CNTN3: variants seen among roughly 807,000 people sequenced by gnomAD.
CNTN3 encodes the protein contactin 3, also known as contactin-3.
Under a neutral mutation model 119.1 loss-of-function variants are expected in CNTN3, and 60 were observed. The observed-to-expected ratio is 0.50, with a 90% CI of 0.41 to 0.62. The LOEUF (loss-of-function observed/expected upper bound fraction) is 0.62. CNTN3 is among the 20% of genes least tolerant of loss of function. The pLI is 0.00. For missense variants in CNTN3, 1,101 were observed against 1,242.4 expected, an observed-to-expected ratio of 0.89 and a Z score of 1.71; for synonymous variants, 450 against 438.7, an observed-to-expected ratio of 1.03 and a Z score of -0.32.
At chr3:74,369,738 T>C in intron 7 of CNTN3, 151 bp downstream of exon 7, 1 of 555,376 alleles carries the variant, frequency 1.8e-6, no homozygotes, top group Non-Finnish European at 3.2e-6. Context: ...CTCAATTTTA[T>C]ATGTGCATTT....
intron 1 of CNTN3, among the ~76,000 whole-genome samples, chr3:74,538,987 T>TA (rs200201423): frequency 7.3e-5 from 11 of 150,490 alleles, no homozygotes; most frequent in South Asian, 4.2e-4. Flanking sequence ...CTTCTCACAT[T>TA]AAAAAAAAAT....
At chr3:74,407,562 C>T (rs567640940) in intron 5 of CNTN3, among the ~76,000 whole-genome samples, 51 of 150,846 alleles carry the variant, frequency 3.4e-4, no homozygotes, top group Non-Finnish European at 5.9e-4. Context: ...TGTGAGCCAC[C>T]GCGCCCGGCC....
intron 13 of CNTN3, among the ~76,000 whole-genome samples, chr3:74,310,890 G>A (rs1575715525): frequency 6.6e-6 from 1 of 152,190 alleles, no homozygotes; most frequent in South Asian, 2.1e-4. Context: ...TACTGCCTCC[G>A]CCTTGGGCAG....
chr3:74,342,628 A>G (rs2106727807), intron 11 of CNTN3, among the ~76,000 whole-genome samples: 1 of 152,346 alleles, frequency 6.6e-6, no homozygotes, highest in Non-Finnish European at 1.5e-5. Context: ...CATATTCATA[A>G]GTTAAAAGTC....
intron 16 of CNTN3, among the ~76,000 whole-genome samples, chr3:74,300,155 T>C (rs1466999384): frequency 6.6e-6 from 1 of 152,076 alleles, no homozygotes; most frequent in African/African-American, 2.4e-5. Context: ...CATAAAAAAA[T>C]TCAAAATCTC....
intron 5 of CNTN3, among the ~76,000 whole-genome samples, chr3:74,418,948 G>T (rs1701573637): frequency 6.6e-6 from 1 of 150,916 alleles, no homozygotes; most frequent in Non-Finnish European, 1.5e-5. Flanking sequence ...GCACCACCAT[G>T]CCTGGATAAT....
intron 19 of CNTN3, among the ~76,000 whole-genome samples, chr3:74,286,000 T>G (rs1346277343): frequency 6.6e-6 from 1 of 151,882 alleles, no homozygotes; most frequent in East Asian, 1.9e-4. Context: ...GACATCATTT[T>G]CTTTCTTAGT....
At chr3:74,303,154 A>G (rs551657850) in intron 13 of CNTN3, among the ~76,000 whole-genome samples, 2 of 152,172 alleles carry the variant, frequency 1.3e-5, no homozygotes, top group African/African-American at 4.8e-5. Context: ...CACCAGCTCA[A>G]CTCTTTTCTC....
chr3:74,293,577 C>G (rs1254507857), intron 19 of CNTN3, among the ~76,000 whole-genome samples: 2 of 152,134 alleles, frequency 1.3e-5, no homozygotes, highest in African/African-American at 4.8e-5. Context: ...TGGGCTCAAG[C>G]AATTCTCCCA....
At chr3:74,315,816 C>T (rs367804420) in intron 13 of CNTN3, among the ~76,000 whole-genome samples, 60 of 152,018 alleles carry the variant, frequency 3.9e-4, no homozygotes, top group Non-Finnish European at 5.7e-4. Context: ...TAAGTCACGA[C>T]GGATTAAAGA....
chr3:74,351,568 A>G (rs1385472201), intron 11 of CNTN3, among the ~76,000 whole-genome samples: 1 of 152,256 alleles, frequency 6.6e-6, no homozygotes, highest in African/African-American at 2.4e-5. Context: ...TAAAGAAGCA[A>G]GTAAAACGTA....
chr3:74,561,627 T>C (rs1335318428), intron 1 of CNTN3, among the ~76,000 whole-genome samples: 5 of 152,054 alleles, frequency 3.3e-5, no homozygotes, highest in African/African-American at 1.2e-4. Flanking sequence ...TCCCCTCACG[T>C]CCCCCACTAC....
chr3:74,426,465 A>T (rs751620783), intron 4 of CNTN3, among the ~76,000 whole-genome samples: 6 of 152,174 alleles, frequency 3.9e-5, no homozygotes, highest in Admixed American at 2.0e-4. Context: ...ATAAAACCAG[A>T]ACCTGTAGAC....
At position 74,371,305 on chromosome 3, in the gene CNTN3, T is replaced by C. The variant is rs1704332077; in HGVS notation, c.549A>G (p.Ile183Met). ...CCACATCAGACGGCTCCACCTTAGA[T>C]ATGTAGAGGTGCCCTGTCTCCTGGG... The part of the protein sequence containing the change: ...FVSQETGHLY[I>M]SKVEPSDVGN... The change falls in exon 6 of 23, where the codon ATA becomes ATG. Residue 183 changes from isoleucine to methionine, a missense_variant. Physicochemically the swap from Ile to Met is conservative, Grantham distance 10. Transcript: ENST00000263665. The C allele has an allele frequency of 1.2e-6, 2 of 1,613,166 alleles. No individual in the cohort carries two copies. The highest frequency in any genetic ancestry group is 1.7e-6 in the Non-Finnish European group (2 of 1,179,352).
At chr3:74,516,015 C>A (rs1176823213) in intron 2 of CNTN3, among the ~76,000 whole-genome samples, 1 of 151,962 alleles carries the variant, frequency 6.6e-6, no homozygotes, top group East Asian at 1.9e-4. Flanking sequence ...CAAGGAGGAA[C>A]CACTTGGTTC....
At chr3:74,313,734 T>C (rs1702759245) in intron 13 of CNTN3, among the ~76,000 whole-genome samples, 1 of 152,166 alleles carries the variant, frequency 6.6e-6, no homozygotes, top group African/African-American at 2.4e-5. Context: ...AGTGTCTGGA[T>C]GGCAAAGCTG....
At chr3:74,346,781 CCATCCATCCATG>C (rs900598518) in intron 11 of CNTN3, among the ~76,000 whole-genome samples, 1 of 148,192 alleles carries the variant, frequency 6.7e-6, no homozygotes, top group African/African-American at 2.6e-5. Flanking sequence ...ATCCATCCAT[CCATCCATCCATG>C]CATCCACTCA....
chr3:74,368,241 A>G (rs146680030), intron 8 of CNTN3, among the ~76,000 whole-genome samples: 1 of 152,246 alleles, frequency 6.6e-6, no homozygotes, highest in East Asian at 1.9e-4. Flanking sequence ...GCGGGGTGTC[A>G]TAAGACCTAC....
chr3:74,495,368 T>C (rs533820959), intron 3 of CNTN3, among the ~76,000 whole-genome samples: 21 of 152,172 alleles, frequency 1.4e-4, no homozygotes, highest in African/African-American at 4.1e-4. Context: ...TAAAATGTCA[T>C]ATATATGCTA....
Sources: gnomAD v4.1 joint callset for allele counts (sites outside exome capture counted in the v4.1 genomes callset) on GRCh38, gnomAD v4.1.1 for gene constraint, MANE v1.5 for transcripts, NCBI Gene and HGNC (gene_info 2026-07-23, HGNC 2026-07-21) for gene names.